ZMYM4: variants seen among roughly 807,000 people sequenced by gnomAD.
ZMYM4 encodes the protein zinc finger MYM-type containing 4.
In ZMYM4, 31 loss-of-function variants were observed where a neutral mutation model predicts 183.2. That is an observed-to-expected ratio of 0.17 (90% CI 0.13 to 0.23). ZMYM4 has a LOEUF of 0.23. Among genes scored for constraint, ZMYM4 ranks in the 10% least tolerant of loss-of-function variants. The pLI is 1.00. For synonymous variants in ZMYM4, 592 were observed against 631.2 expected, an observed-to-expected ratio of 0.94 and a Z score of 0.93; for missense variants, 1,273 against 1,840.3, an observed-to-expected ratio of 0.69 and a Z score of 5.64.
chr1:35,268,895 C>T lies in ZMYM4; in HGVS notation c.-152C>T. 1.2e-6 allele frequency: 1 copy of T among 842,590 alleles called. No individual in the cohort carries two copies. The highest frequency in any genetic ancestry group is 1.6e-6 in the Non-Finnish European group (1 of 627,932). 52.2% of individuals were successfully genotyped at this position (842,590 alleles called of 1,614,324 possible). A position where few individuals can be genotyped will look rare whatever the true frequency, so the allele number is the denominator to read the frequency against. ...GAAGCTGCGGCCCGGCGCGCGGCAT[C>T]CGCCCCCTCCCCACTCTCGGCGCAA... is the stretch of plus-strand genomic sequence containing the variant. On this transcript the variant is annotated 5_prime_UTR_variant, in exon 1 of 30. Coordinates refer to ENST00000314607, the MANE Select transcript of ZMYM4 (RefSeq NM_005095.3).
At chr1:35,299,947 A>T (rs1308165352) in intron 1 of ZMYM4, among the ~76,000 whole-genome samples, 2 of 152,082 alleles carry the variant, frequency 1.3e-5, no homozygotes, top group East Asian at 3.9e-4. Context: ...GGCGCCTGCC[A>T]CCACGCCTGG....
intron 25 of ZMYM4, among the ~76,000 whole-genome samples, chr1:35,406,197 A>G (rs1006955772): frequency 1.3e-5 from 2 of 152,172 alleles, no homozygotes; most frequent in African/African-American, 2.4e-5. Flanking sequence ...TTTGGGGCAC[A>G]TGTAACTGTC....
intron 2 of ZMYM4, among the ~76,000 whole-genome samples, chr1:35,342,920 G>A (rs938129824): frequency 3.9e-5 from 6 of 151,912 alleles, no homozygotes; most frequent in African/African-American, 1.2e-4. Flanking sequence ...GGCCTCAAGC[G>A]ACCTGCCCGC....
chr1:35,411,925 C>G (rs887582784), intron 26 of ZMYM4, among the ~76,000 whole-genome samples: 1 of 152,172 alleles, frequency 6.6e-6, no homozygotes. Flanking sequence ...CTCTGTCGCC[C>G]AGGCTGGAGT....
chr1:35,349,880 G>A (rs1643536081), intron 2 of ZMYM4, among the ~76,000 whole-genome samples: 1 of 149,348 alleles, frequency 6.7e-6, no homozygotes, highest in African/African-American at 2.5e-5. Flanking sequence ...GCTAACTTAA[G>A]CTTTTATTTA....
intron 2 of ZMYM4, among the ~76,000 whole-genome samples, chr1:35,335,762 G>A (rs1357427233): frequency 6.6e-6 from 1 of 152,078 alleles, no homozygotes; most frequent in African/African-American, 2.4e-5. Flanking sequence ...GACCATCCTA[G>A]CTAACACGGT....
chr1:35,293,713 A>G (rs186569509), intron 1 of ZMYM4, among the ~76,000 whole-genome samples: 48 of 152,282 alleles, frequency 3.2e-4, no homozygotes, highest in African/African-American at 1.0e-3. Context: ...TGAAATACCT[A>G]GCATATACTA....
At chr1:35,280,244 CTCTT>C (rs1016636256) in intron 1 of ZMYM4, among the ~76,000 whole-genome samples, 2 of 141,238 alleles carry the variant, frequency 1.4e-5, no homozygotes, top group East Asian at 2.3e-4. Context: ...CTTTCTTTCT[CTCTT>C]TCTTTCTCTC....
chr1:35,383,273 T>TAA (rs1644505174), intron 9 of ZMYM4, among the ~76,000 whole-genome samples: 1 of 152,130 alleles, frequency 6.6e-6, no homozygotes, highest in African/African-American at 2.4e-5. Context: ...CCATAGTAGG[T>TAA]GTATATATTT....
chr1:35,275,678 A>G (rs1166973115), intron 1 of ZMYM4, among the ~76,000 whole-genome samples: 1 of 152,240 alleles, frequency 6.6e-6, no homozygotes, highest in Admixed American at 6.5e-5. Context: ...TGATTATTTT[A>G]CTATGAGCTA....
In ZMYM4 at chr1:35,342,896, G is replaced by A. The variant is rs140941329; in HGVS notation, c.86-16029G>A. On this transcript the variant is annotated intron_variant, in intron 2 of 29. Coordinates refer to ENST00000314607, the MANE Select transcript of ZMYM4 (RefSeq NM_005095.3). ...GGGGTTTCACCATGTTGCCCAGGCT[G>A]GTAGCGAACTCCAGGCCTCAAGCGA... Among the ~76,000 whole-genome samples, 662 of 152,082 alleles carry A rather than the reference G, an allele frequency of 4.4e-3. 6 individuals are homozygous for A. The highest frequency in any genetic ancestry group is 7.3e-3 in the Admixed American group (111 of 15,254).
chr1:35,369,204 A>T (rs1203589344), intron 5 of ZMYM4, among the ~76,000 whole-genome samples: 2 of 152,228 alleles, frequency 1.3e-5, no homozygotes, highest in Non-Finnish European at 2.9e-5. Flanking sequence ...TAAACAATAT[A>T]TTAAAATAAA....
intron 20 of ZMYM4, 121 bp from the exon 21 acceptor site, chr1:35,398,292 A>G (rs1644843877): frequency 1.3e-6 from 1 of 788,666 alleles, no homozygotes; most frequent in Middle Eastern, 2.6e-4. Flanking sequence ...TTCTTTCTGC[A>G]TATGAAATCT....
intron 2 of ZMYM4, among the ~76,000 whole-genome samples, chr1:35,340,501 T>C (rs1431638103): frequency 6.6e-6 from 1 of 151,934 alleles, no homozygotes; most frequent in Non-Finnish European, 1.5e-5. Context: ...ACCCTGGTCT[T>C]GTTTTCCTGC....
chr1:35,375,441 A>C (rs772524633), intron 7 of ZMYM4, among the ~76,000 whole-genome samples: 1 of 152,180 alleles, frequency 6.6e-6, no homozygotes, highest in Non-Finnish European at 1.5e-5. Flanking sequence ...CTAGCTGGTT[A>C]ATTTTGGCAT....
chr1:35,327,094 C>G (rs1417154172), intron 2 of ZMYM4, among the ~76,000 whole-genome samples: 1 of 152,196 alleles, frequency 6.6e-6, no homozygotes, highest in Non-Finnish European at 1.5e-5. Flanking sequence ...CTCCTGACCT[C>G]AAGTGATCCA....
chr1:35,352,112 A>G (rs1255415443), intron 2 of ZMYM4, among the ~76,000 whole-genome samples: 4 of 152,222 alleles, frequency 2.6e-5, no homozygotes, highest in Admixed American at 2.6e-4. Flanking sequence ...AACCACAAGT[A>G]AATAGGCTGG....
chr1:35,419,228 G>A lies in ZMYM4; in HGVS notation c.4440-242G>A, dbSNP rs144596936. On this transcript the variant is annotated intron_variant, in intron 29 of 29. Transcript: ENST00000314607. ...TCCATTGTGATTTCAGTTGATTCCT[G>A]GGAGGAAATATTCCTGTAAACTATT... Among the ~76,000 whole-genome samples, 392 of 152,074 alleles carry A rather than the reference G, an allele frequency of 2.6e-3. 2 individuals are homozygous for A. Among genetic ancestry groups the A allele is most frequent in the African/African-American group, 8.4e-3 (348 of 41,470 alleles).
intron 9 of ZMYM4, among the ~76,000 whole-genome samples, chr1:35,384,827 AT>A (rs1448479593): frequency 2.2e-5 from 3 of 136,800 alleles, no homozygotes; most frequent in Non-Finnish European, 3.2e-5. Context: ...CAGCATTATT[AT>A]TTTTTTCTTT....
Sources: gnomAD v4.1 joint callset for allele counts (sites outside exome capture counted in the v4.1 genomes callset) on GRCh38, gnomAD v4.1.1 for gene constraint, MANE v1.5 for transcripts, NCBI Gene and HGNC (gene_info 2026-07-23, HGNC 2026-07-21) for gene names.